DOCK8: variants seen among roughly 807,000 people sequenced by gnomAD.
DOCK8 encodes the protein dedicator of cytokinesis protein 8.
Under a neutral mutation model 245.6 loss-of-function variants are expected in DOCK8, and 141 were observed. That is an observed-to-expected ratio of 0.57 (90% CI 0.50 to 0.66). The LOEUF (loss-of-function observed/expected upper bound fraction) is 0.66. Among genes scored for constraint, DOCK8 ranks in the 30% least tolerant of loss-of-function variants. The pLI, the probability that DOCK8 is intolerant of heterozygous loss-of-function variation, is 0.00. For missense variants in DOCK8, 2,965 were observed against 2,603.4 expected, an observed-to-expected ratio of 1.14 and a Z score of -3.02; for synonymous variants, 1,168 against 970.2, an observed-to-expected ratio of 1.20 and a Z score of -3.79.
intron 20 of DOCK8, among the ~76,000 whole-genome samples, chr9:377,464 G>C (rs1164347905): frequency 6.6e-6 from 1 of 152,100 alleles, no homozygotes; most frequent in Non-Finnish European, 1.5e-5. Flanking sequence ...ATTATAGGCA[G>C]TCTTTAAAAT....
intron 4 of DOCK8, among the ~76,000 whole-genome samples, chr9:299,965 T>C (rs2049456826): frequency 6.8e-6 from 1 of 147,676 alleles, no homozygotes; most frequent in African/African-American, 2.5e-5. Context: ...GAGCTTGCAG[T>C]GAGCAGAGAT....
intron 7 of DOCK8, among the ~76,000 whole-genome samples, chr9:317,848 C>G (rs946326779): frequency 2.0e-5 from 3 of 152,132 alleles, no homozygotes; most frequent in African/African-American, 7.2e-5. Context: ...AATATGTTCT[C>G]ATTCCCTTTA....
intron 1 of DOCK8, among the ~76,000 whole-genome samples, chr9:223,034 A>G (rs928518557): frequency 6.6e-6 from 1 of 152,080 alleles, no homozygotes; most frequent in Non-Finnish European, 1.5e-5. Flanking sequence ...CCTCTTTCAT[A>G]CTTTTTTTTT....
intron 2 of DOCK8, among the ~76,000 whole-genome samples, chr9:278,161 T>G (rs992458100): frequency 6.6e-6 from 1 of 152,124 alleles, no homozygotes; most frequent in Admixed American, 6.5e-5. Context: ...CAGACGTTTC[T>G]TTATTGTCAT....
intron 7 of DOCK8, among the ~76,000 whole-genome samples, chr9:320,080 CTA>C (rs1237478824): frequency 1.3e-5 from 2 of 152,228 alleles, no homozygotes; most frequent in African/African-American, 2.4e-5. Context: ...ATTCTGGGGA[CTA>C]CACTTAAAGA....
At chr9:349,666 G>A (rs2052065381) in intron 14 of DOCK8, among the ~76,000 whole-genome samples, 1 of 152,162 alleles carries the variant, frequency 6.6e-6, no homozygotes, top group Admixed American at 6.5e-5. Context: ...AAGTTTAGCA[G>A]CGTTTCTAAA....
chr9:250,429 T>C (rs1170446096), intron 1 of DOCK8, among the ~76,000 whole-genome samples: 1 of 152,176 alleles, frequency 6.6e-6, no homozygotes, highest in Admixed American at 6.5e-5. Flanking sequence ...AAAAAGACCA[T>C]TTACAATAAC....
chr9:323,058 A>G (rs951168389), intron 7 of DOCK8, among the ~76,000 whole-genome samples: 3 of 146,208 alleles, frequency 2.1e-5, no homozygotes, highest in African/African-American at 7.7e-5. Context: ...GCACCATTGC[A>G]CTCCACCCTG....
intron 12 of DOCK8, among the ~76,000 whole-genome samples, chr9:338,011 G>T (rs141985499): frequency 1.3e-5 from 2 of 152,064 alleles, no homozygotes; most frequent in Non-Finnish European, 2.9e-5. Context: ...AAAGTTAGCC[G>T]GGTGTGGTGG....
chr9:239,160 G>T (rs566614180), intron 1 of DOCK8, among the ~76,000 whole-genome samples: 2 of 152,322 alleles, frequency 1.3e-5, no homozygotes, highest in East Asian at 3.9e-4. Context: ...ATAACCTGCT[G>T]TATTTAGAGT....
At chr9:256,060 C>T (rs575553875) in intron 1 of DOCK8, among the ~76,000 whole-genome samples, 2 of 152,302 alleles carry the variant, frequency 1.3e-5, no homozygotes, top group African/African-American at 4.8e-5. Context: ...ATCTATCACA[C>T]TAACATGACC....
chr9:432,373 A>G, intron 37 of DOCK8, 49 bp downstream of exon 37: 2 of 1,577,090 alleles, frequency 1.3e-6, no homozygotes, highest in Non-Finnish European at 1.7e-6. Flanking sequence ...GGGATCTGCC[A>G]ACTATTGTGT....
At chr9:431,462 T>C (rs560307426) in intron 36 of DOCK8, among the ~76,000 whole-genome samples, 11 of 152,274 alleles carry the variant, frequency 7.2e-5, no homozygotes, top group African/African-American at 2.2e-4. Flanking sequence ...CAAAACCTTG[T>C]TGCTTACCCG....
At chr9:305,308 A>G (rs1452225816) in intron 5 of DOCK8, among the ~76,000 whole-genome samples, 1 of 151,036 alleles carries the variant, frequency 6.6e-6, no homozygotes, top group Non-Finnish European at 1.5e-5. Context: ...GTTGAGACAG[A>G]GTCTCGCTCT....
At chr9:257,183 A>T (rs934045888) in intron 1 of DOCK8, among the ~76,000 whole-genome samples, 1 of 152,228 alleles carries the variant, frequency 6.6e-6, no homozygotes. Flanking sequence ...GGACTGGGGA[A>T]GAAGGGAATG....
intron 9 of DOCK8, among the ~76,000 whole-genome samples, chr9:328,780 T>C (rs1026733591): frequency 5.9e-5 from 9 of 151,846 alleles, no homozygotes; most frequent in Admixed American, 5.9e-4. Context: ...AGTTGAAATC[T>C]ATGGGGCAAT....
chr9:248,817 A>G (rs148705806), intron 1 of DOCK8, among the ~76,000 whole-genome samples: 1 of 152,328 alleles, frequency 6.6e-6, no homozygotes, highest in African/African-American at 2.4e-5. Context: ...CTGTTACCAA[A>G]AGCAGGGGTG....
rs2053778554 is a variant in DOCK8 at position 382,797 on chromosome 9, A to T, written c.2778+112A>T. 1.4e-5 allele frequency: 19 copies of T among 1,364,346 alleles called. No homozygotes were observed. In the South Asian group the frequency reaches 2.4e-4, roughly 17 times the overall value. 84.5% of individuals were successfully genotyped at this position (1,364,346 alleles called of 1,614,324 possible). On this transcript the variant is annotated intron_variant, in intron 22 of 47. Transcript: ENST00000432829. ...TACTGCTGCCCACCATGCTGGTCGG[A>T]TGCTTTAATGCTCAGCTTTGGAGTG...
chr9:416,109 A>C (rs532171133), intron 29 of DOCK8, among the ~76,000 whole-genome samples: 4 of 152,190 alleles, frequency 2.6e-5, no homozygotes, highest in Non-Finnish European at 5.9e-5. Context: ...AGGTTGAGAC[A>C]GGGGTTAGGG....
Sources: allele counts gnomAD v4.1 joint callset (sites outside exome capture counted in the v4.1 genomes callset), GRCh38; gene constraint gnomAD v4.1.1; transcripts MANE v1.5; gene names NCBI Gene and HGNC (gene_info 2026-07-23, HGNC 2026-07-21).